The following PLA2G2C variants were observed in gnomAD, a reference collection of about 807,000 sequenced individuals.
PLA2G2C encodes the protein putative inactive group IIC secretory phospholipase A2.
In PLA2G2C, 15 loss-of-function variants were observed where a neutral mutation model predicts 14.3. That is an observed-to-expected ratio of 1.05 (90% confidence interval 0.70 to 1.62). The LOEUF is 1.62. Among genes scored for constraint, PLA2G2C ranks in the 40% most tolerant of loss-of-function variants. The pLI is 0.00. For synonymous variants in PLA2G2C, 79 were observed against 67.7 expected, an observed-to-expected ratio of 1.17 and a Z score of -0.82; for missense variants, 162 against 173.2, an observed-to-expected ratio of 0.94 and a Z score of 0.36.
intron 4 of PLA2G2C, among the ~76,000 whole-genome samples, chr1:20,172,125 T>C (rs1000584984): frequency 2.6e-5 from 4 of 152,168 alleles, no homozygotes; most frequent in Non-Finnish European, 4.4e-5. Flanking sequence ...GGATCCACCC[T>C]GGCTATGCTG....
At chr1:20,165,741 G>A (rs1321308198) in intron 4 of PLA2G2C, among the ~76,000 whole-genome samples, 1 of 151,888 alleles carries the variant, frequency 6.6e-6, no homozygotes, top group East Asian at 1.9e-4. Context: ...TGTGTGTGCA[G>A]GTATGTGTCC....
At position 20,167,482 on chromosome 1, in the gene PLA2G2C, C is replaced by T. The variant is rs1393945266; in HGVS notation, c.284-3325G>A. On this transcript the variant is annotated intron_variant, in intron 4 of 4. Coordinates refer to ENST00000679259, the MANE Select transcript of PLA2G2C (RefSeq NM_001367969.2). ...CGCTGAACCCATCAGCAGGTCCTGT[C>T]GGCCCTGACCCTACCCGCACAGCAT... 6.6e-5 allele frequency among the ~76,000 whole-genome samples: 10 copies of T among 152,168 alleles called. 1 individual carries two copies. Among genetic ancestry groups the T allele is most frequent in the East Asian group, 3.8e-4 (2 of 5,196 alleles).
Position 20,172,748 on chromosome 1 carries a change from A to C in PLA2G2C, c.283+46T>G, listed in dbSNP as rs1430169178. ...GTCAAAGAGGAGGTGAACGTTAAGG[A>C]AAGGCCCAGGTTAAAAGACATTTCC... On this transcript the variant is annotated intron_variant, in intron 4 of 4. Coordinates refer to ENST00000679259, the MANE Select transcript of PLA2G2C (RefSeq NM_001367969.2). The C allele has an allele frequency of 2.7e-6, 4 of 1,503,272 alleles. No homozygotes were observed. The Admixed American group carries it at 5.5e-5, about 20-fold the overall frequency. The allele number at this position is 1,503,272 out of a possible 1,614,324, so 93.1% of individuals were successfully genotyped here.
intron 3 of PLA2G2C, among the ~76,000 whole-genome samples, chr1:20,174,252 G>A (rs1218555540): frequency 1.3e-5 from 2 of 152,142 alleles, no homozygotes; most frequent in Non-Finnish European, 2.9e-5. Context: ...TCCATACTAG[G>A]TTAAATGTGG....
At chr1:20,171,798 G>A (rs1342817876) in intron 4 of PLA2G2C, among the ~76,000 whole-genome samples, 1 of 119,524 alleles carries the variant, frequency 8.4e-6, no homozygotes, top group Non-Finnish European at 1.6e-5. Flanking sequence ...GTCTCGCTCT[G>A]TGGCCCAGGC....
intron 2 of PLA2G2C, 179 bp from the exon 3 acceptor site, chr1:20,175,324 A>G: frequency 5.7e-6 from 5 of 882,568 alleles, no homozygotes; most frequent in South Asian, 3.5e-5. Context: ...AAATAGGTTC[A>G]GATTTGCCCC....
intron 1 of PLA2G2C, among the ~76,000 whole-genome samples, chr1:20,184,786 G>C (rs1216899965): frequency 6.6e-6 from 1 of 152,110 alleles, no homozygotes; most frequent in African/African-American, 2.4e-5. Flanking sequence ...TTCTAAGAGG[G>C]AGGAGGGAGG....
chr1:20,184,388 G>A (rs553036151), intron 1 of PLA2G2C: 25 of 152,314 alleles, frequency 1.6e-4, no homozygotes, highest in African/African-American at 4.3e-4. Context: ...GAAATAAGCC[G>A]TCAGCACTCA....
chr1:20,185,274 G>A (rs1168464020), intron 1 of PLA2G2C, among the ~76,000 whole-genome samples: 2 of 152,228 alleles, frequency 1.3e-5, no homozygotes, highest in East Asian at 1.9e-4. Context: ...GGCTGGCCAA[G>A]ACTTCTTCAA....
At chr1:20,168,744 C>T (rs1569925831) in intron 4 of PLA2G2C, among the ~76,000 whole-genome samples, 1 of 152,192 alleles carries the variant, frequency 6.6e-6, no homozygotes, top group South Asian at 2.1e-4. Context: ...CCTCCCACAC[C>T]GGGTCCTCCC....
Position 20,175,048 on chromosome 1 carries a change from A to G in PLA2G2C, c.138T>C (p.Cys46=). 1 of 1,613,866 alleles carries G rather than the reference A, an allele frequency of 6.2e-7. No individual in the cohort carries two copies. ...FFSYYGYGCY[C]GLGDKGIPVD... ...CGGGGATCCCTTTATCCCCAAGCCC[A>G]CAGTAGCAGCCATATCCGTAATATG... The change falls in exon 3 of 5, where the codon TGT becomes TGC. Residue 46 remains cysteine, a synonymous_variant. Transcript: ENST00000679259.
chr1:20,171,920 C>G (rs188515924), intron 4 of PLA2G2C, among the ~76,000 whole-genome samples: 3,339 of 151,428 alleles, frequency 0.022, 62 homozygotes, highest in Non-Finnish European at 0.03. Context: ...CACCATCACG[C>G]CCGGCTAATT....
At chr1:20,168,432 G>A (rs991692933) in intron 4 of PLA2G2C, among the ~76,000 whole-genome samples, 2 of 152,200 alleles carry the variant, frequency 1.3e-5, no homozygotes, top group Admixed American at 6.5e-5. Context: ...CCTCAAACAA[G>A]ACAGGCTTGC....
At chr1:20,176,032 C>G (rs1026841043) in intron 2 of PLA2G2C, among the ~76,000 whole-genome samples, 1 of 151,914 alleles carries the variant, frequency 6.6e-6, no homozygotes, top group Non-Finnish European at 1.5e-5. Context: ...GCCTCAGCCT[C>G]CTGAGTAGCT....
At chr1:20,179,545 T>TG in intron 1 of PLA2G2C, among the ~76,000 whole-genome samples, 1 of 133,298 alleles carries the variant, frequency 7.5e-6, no homozygotes. Flanking sequence ...GTGTGTGTGT[T>TG]AGCTTGTCCC....
intron 3 of PLA2G2C, 137 bp from the exon 4 acceptor site, chr1:20,173,034 T>C: frequency 3.2e-6 from 2 of 617,804 alleles, no homozygotes; most frequent in Non-Finnish European, 5.6e-6. Context: ...ATAGGCCAGG[T>C]GTGGTGGCTC....
rs1181140435 is a variant in PLA2G2C at position 20,175,052 on chromosome 1, T to G, written c.134A>C (p.Tyr45Ser). ...AFFSYYGYGC[Y>S]CGLGDKGIPV... Reference sequence around the variant, plus strand: ...GATCCCTTTATCCCCAAGCCCACAGTAGCAGCCATATCCGTAATATGAGAA... The same window carrying G: ...GATCCCTTTATCCCCAAGCCCACAGGAGCAGCCATATCCGTAATATGAGAA... The change falls in exon 3 of 5, where the codon TAC becomes TCC. Residue 45 changes from tyrosine to serine, a missense_variant. By Grantham distance (144) the Tyr-to-Ser change is moderately radical. Transcript: ENST00000679259. 6.2e-7 allele frequency: 1 copy of G among 1,613,998 alleles called. No homozygotes were observed. The highest frequency in any genetic ancestry group is 8.5e-7 in the Non-Finnish European group (1 of 1,179,896).
At chr1:20,164,873 T>C (rs2017949630) in intron 4 of PLA2G2C, among the ~76,000 whole-genome samples, 1 of 152,170 alleles carries the variant, frequency 6.6e-6, no homozygotes, top group South Asian at 2.1e-4. Flanking sequence ...TCTGCCCTCT[T>C]CTCTCTATGT....
chr1:20,166,509 T>A (rs2017982461), intron 4 of PLA2G2C, among the ~76,000 whole-genome samples: 1 of 152,162 alleles, frequency 6.6e-6, no homozygotes, highest in African/African-American at 2.4e-5. Context: ...GAGGGCTACT[T>A]GAGCTCAGGC....
Sources: allele counts gnomAD v4.1 joint callset (sites outside exome capture counted in the v4.1 genomes callset), GRCh38; gene constraint gnomAD v4.1.1; transcripts MANE v1.5; gene names NCBI Gene and HGNC (gene_info 2026-07-23, HGNC 2026-07-21).